Variants in EPHX2 observed in about 807,000 individuals in gnomAD.
EPHX2 encodes the protein bifunctional epoxide hydrolase 2.
A neutral mutation model predicts 78.7 loss-of-function variants in EPHX2; 74 were observed. The observed-to-expected ratio is 0.94, with a 90% confidence interval of 0.78 to 1.14. The LOEUF is 1.14. Ranked by LOEUF, EPHX2 falls within the 50% of genes most tolerant of loss-of-function variation. EPHX2 has a pLI of 0.00. For synonymous variants in EPHX2, 251 were observed against 255.2 expected (o/e 0.98, Z 0.16); for missense variants, 715 against 702.5 (o/e 1.02, Z -0.20).
intron 12 of EPHX2, among the ~76,000 whole-genome samples, chr8:27,531,955 G>C (rs1815058893): frequency 6.6e-6 from 1 of 152,152 alleles, no homozygotes. Context: ...TACCAGCGCT[G>C]AGTGGAAAGT....
chr8:27,543,446 T>G (rs187078331), intron 16 of EPHX2, among the ~76,000 whole-genome samples: 2 of 152,314 alleles, frequency 1.3e-5, no homozygotes, highest in East Asian at 3.9e-4. Flanking sequence ...AAGAGGAATC[T>G]TGATCTTCAT....
At chr8:27,534,827 G>C (rs1330693345) in intron 12 of EPHX2, among the ~76,000 whole-genome samples, 1 of 152,150 alleles carries the variant, frequency 6.6e-6, no homozygotes, top group East Asian at 1.9e-4. Context: ...GATCCCAGGA[G>C]AGCACATTCA....
Position 27,491,148 on chromosome 8 carries a change from G to C in EPHX2, c.-61G>C. On this transcript the variant is annotated 5_prime_UTR_variant, in exon 1 of 19. Coordinates refer to ENST00000521400, the MANE Select transcript of EPHX2 (RefSeq NM_001979.6). The stretch of plus-strand genomic sequence containing the variant: ...CCAAGCTGGGCGGGTCATGCGCCCT[G>C]GCCTTCGCGCATCTCCCAGGTTAGC... The C allele has an allele frequency of 8.0e-6, 12 of 1,490,808 alleles. No individual in the cohort carries two copies. In the South Asian group the frequency reaches 1.2e-4, roughly 15 times the overall value. The allele number at this position is 1,490,808 out of a possible 1,614,324, so 92.3% of individuals were successfully genotyped here. A position where few individuals can be genotyped will look rare whatever the true frequency, so the allele number is the denominator to read the frequency against.
intron 10 of EPHX2, among the ~76,000 whole-genome samples, chr8:27,521,420 G>A (rs1439061475): frequency 6.6e-6 from 1 of 152,176 alleles, no homozygotes; most frequent in African/African-American, 2.4e-5. Flanking sequence ...CCCAAGTGAG[G>A]TCAGAGGGGC....
chr8:27,548,338 CAA>C (rs1167001088), downstream of EPHX2, among the ~76,000 whole-genome samples: 1 of 152,202 alleles, frequency 6.6e-6, no homozygotes, highest in African/African-American at 2.4e-5. Flanking sequence ...GTCAGAGGCT[CAA>C]AGGGTTTTTT....
At chr8:27,525,565 T>C in intron 12 of EPHX2, 92 bp downstream of exon 12, 1 of 1,095,534 alleles carries the variant, frequency 9.1e-7, no homozygotes, top group Non-Finnish European at 1.4e-6. Flanking sequence ...CTGTCCCCTT[T>C]AATTTTATGT....
chr8:27,532,287 A>G (rs180850934), intron 12 of EPHX2, among the ~76,000 whole-genome samples: 1 of 152,242 alleles, frequency 6.6e-6, no homozygotes, highest in Non-Finnish European at 1.5e-5. Flanking sequence ...TGGGAGGAAA[A>G]TAACAGAAGA....
chr8:27,524,389 G>T (rs955765277), intron 11 of EPHX2, among the ~76,000 whole-genome samples: 1 of 151,972 alleles, frequency 6.6e-6, no homozygotes, highest in Non-Finnish European at 1.5e-5. Flanking sequence ...GTGTCCATGT[G>T]GTCTCTCAGG....
chr8:27,502,150 A>G (rs937806334), intron 2 of EPHX2, among the ~76,000 whole-genome samples: 7 of 152,224 alleles, frequency 4.6e-5, no homozygotes, highest in African/African-American at 1.2e-4. Flanking sequence ...CCAATAGATC[A>G]CTTTTACCTG....
chr8:27,505,629 AT>A (rs1813977102), intron 4 of EPHX2, among the ~76,000 whole-genome samples: 1 of 152,166 alleles, frequency 6.6e-6, no homozygotes, highest in East Asian at 1.9e-4. Flanking sequence ...ACAAAAGGTG[AT>A]TGAATGGAGA....
chr8:27,525,603 T>C (rs1333756474), intron 12 of EPHX2, 130 bp downstream of exon 12: 2 of 828,238 alleles, frequency 2.4e-6, no homozygotes, highest in East Asian at 5.0e-5. Flanking sequence ...ATTTTACAAA[T>C]GGGCTCAGGT....
Position 27,504,968 on chromosome 8 carries a change from C to T in EPHX2, c.359C>T (p.Ala120Val). 6 of 1,613,954 alleles carry T rather than the reference C, an allele frequency of 3.7e-6. No homozygotes were observed. The highest frequency in any genetic ancestry group is 5.1e-6 in the Non-Finnish European group (6 of 1,180,016). The change falls in exon 4 of 19, where the codon GCC becomes GTC. Residue 120 changes from alanine (A) to valine (V), a missense_variant. Ala to Val is a moderately conservative substitution (Grantham distance 64). Coordinates refer to ENST00000521400, the MANE Select transcript of EPHX2 (RefSeq NM_001979.6). ...GCTTTTTGCTCAGGATTCACTACTG[C>T]CATCCTCACCAACACCTGGCTGGAC... ...LMLRKKGFTT[A>V]ILTNTWLDDR...
chr8:27,535,492 GAGTGGTT>G (rs1815183760), intron 12 of EPHX2, among the ~76,000 whole-genome samples: 1 of 152,120 alleles, frequency 6.6e-6, no homozygotes. Context: ...TATTATTTCT[GAGTGGTT>G]GCCCCTAGTG....
intron 15 of EPHX2, among the ~76,000 whole-genome samples, chr8:27,541,082 A>C (rs1243474869): frequency 6.6e-6 from 1 of 152,116 alleles, no homozygotes; most frequent in Non-Finnish European, 1.5e-5. Flanking sequence ...TGTCCCTCTC[A>C]AGTGGGCTCC....
In EPHX2 at chr8:27,503,396, C is replaced by T. The variant is rs368104746; in HGVS notation, c.187-208C>T. On this transcript the variant is annotated intron_variant, in intron 2 of 18. Transcript: ENST00000521400. ...TTCTGCTGTTAGTGGGCATTTGGGTCGTTTCTGGTTTGGGACTCCTAGGAA... is the reference window on the plus strand; with the variant it reads ...TTCTGCTGTTAGTGGGCATTTGGGTTGTTTCTGGTTTGGGACTCCTAGGAA... 1.4e-4 allele frequency among the ~76,000 whole-genome samples: 21 copies of T among 152,146 alleles called. 1 individual carries two copies. The highest frequency in any genetic ancestry group is 5.1e-4 in the African/African-American group (21 of 41,528).
chr8:27,544,041 C>G (rs1815502342), intron 17 of EPHX2, 145 bp from the exon 18 acceptor site: 1 of 1,081,766 alleles, frequency 9.2e-7, no homozygotes, highest in Non-Finnish European at 1.4e-6. Context: ...CTCATTCATT[C>G]ATTATTCCCT....
chr8:27,546,774 A>G (rs757252945), downstream of EPHX2, among the ~76,000 whole-genome samples: 8 of 152,232 alleles, frequency 5.3e-5, no homozygotes, highest in South Asian at 2.1e-4. Context: ...GCCAGAAAAT[A>G]TAACTGGTTA....
At chr8:27,535,054 G>A (rs970400980) in intron 12 of EPHX2, among the ~76,000 whole-genome samples, 8 of 152,242 alleles carry the variant, frequency 5.3e-5, no homozygotes, top group African/African-American at 1.4e-4. Context: ...GTTTGGGTGC[G>A]TGCAGGTGGG....
At chr8:27,532,175 T>A (rs962287321) in intron 12 of EPHX2, among the ~76,000 whole-genome samples, 3 of 151,924 alleles carry the variant, frequency 2.0e-5, no homozygotes, top group Non-Finnish European at 2.9e-5. Context: ...GAGCCCAGGG[T>A]AATGAAGACC....
Sources: gnomAD v4.1 joint callset for allele counts (sites outside exome capture counted in the v4.1 genomes callset) on GRCh38, gnomAD v4.1.1 for gene constraint, MANE v1.5 for transcripts, NCBI Gene and HGNC (gene_info 2026-07-23, HGNC 2026-07-21) for gene names.